Variants in CNTNAP2 observed in about 807,000 individuals in gnomAD.
CNTNAP2 encodes the protein contactin-associated protein-like 2.
CNTNAP2 carries 98 observed loss-of-function variants against 155.2 expected under a neutral mutation model. That is an observed-to-expected ratio of 0.63 (90% CI 0.54 to 0.75). CNTNAP2 has a LOEUF of 0.75. Among genes scored for constraint, CNTNAP2 ranks in the 30% least tolerant of loss-of-function variants. The pLI, the probability that CNTNAP2 is intolerant of heterozygous loss-of-function variation, is 0.00. For missense variants in CNTNAP2, 1,727 were observed against 1,688.1 expected (o/e 1.02, Z -0.40); for synonymous variants, 651 against 631.2 (o/e 1.03, Z -0.47).
intron 1 of CNTNAP2, among the ~76,000 whole-genome samples, chr7:146,586,492 CT>C (rs1798694339): frequency 6.6e-6 from 1 of 152,090 alleles, no homozygotes; most frequent in Admixed American, 6.6e-5. Flanking sequence ...TAATATTAGG[CT>C]TAACATAAAG....
At chr7:146,272,745 TGAG>T (rs1410426694) in intron 1 of CNTNAP2, among the ~76,000 whole-genome samples, 3 of 151,998 alleles carry the variant, frequency 2.0e-5, no homozygotes, top group African/African-American at 7.3e-5. Context: ...GGCAATAGAT[TGAG>T]GAGTAAATGG....
chr7:147,519,266 A>G (rs745938666), intron 11 of CNTNAP2, among the ~76,000 whole-genome samples: 59 of 152,114 alleles, frequency 3.9e-4, no homozygotes, highest in Admixed American at 1.0e-3. Flanking sequence ...GGCTTAGGGC[A>G]CTGGCCGTCA....
chr7:146,293,877 C>A (rs551895015), intron 1 of CNTNAP2, among the ~76,000 whole-genome samples: 1 of 152,094 alleles, frequency 6.6e-6, no homozygotes, highest in African/African-American at 2.4e-5. Context: ...AAAAGTGGTT[C>A]TTTTTTTAAT....
At chr7:146,192,970 C>T (rs1002430138) in intron 1 of CNTNAP2, among the ~76,000 whole-genome samples, 6 of 152,150 alleles carry the variant, frequency 3.9e-5, no homozygotes, top group South Asian at 2.1e-4. Flanking sequence ...GGCTACATGC[C>T]GCATGTGAAG....
At chr7:148,187,147 C>CACACACACACACAA (rs1197880658) in intron 18 of CNTNAP2, among the ~76,000 whole-genome samples, 946 of 67,178 alleles carry the variant, frequency 0.014, 64 homozygotes, top group Middle Eastern at 0.018. Flanking sequence ...CACACACACA[C>CACACACACACACAA]AAACAGAGCC....
intron 21 of CNTNAP2, among the ~76,000 whole-genome samples, chr7:148,269,196 G>C (rs563857449): frequency 6.6e-6 from 1 of 152,150 alleles, no homozygotes; most frequent in Non-Finnish European, 1.5e-5. Flanking sequence ...ATAAATCAAA[G>C]GGTGGAACTG....
At chr7:146,903,317 A>G (rs1363861761) in intron 3 of CNTNAP2, among the ~76,000 whole-genome samples, 6 of 152,146 alleles carry the variant, frequency 3.9e-5, no homozygotes, top group Non-Finnish European at 8.8e-5. Flanking sequence ...TACTATGCTG[A>G]AAACTCTCTA....
At chr7:146,903,075 T>C (rs1796037644) in intron 3 of CNTNAP2, among the ~76,000 whole-genome samples, 1 of 152,208 alleles carries the variant, frequency 6.6e-6, no homozygotes, top group African/African-American at 2.4e-5. Context: ...TTTTATCAAC[T>C]TCACGTTGGG....
At chr7:146,774,671 A>G (rs1802356880) in intron 2 of CNTNAP2, among the ~76,000 whole-genome samples, 1 of 152,188 alleles carries the variant, frequency 6.6e-6, no homozygotes, top group Non-Finnish European at 1.5e-5. Context: ...TAGAGTTAAA[A>G]TTCCTATTAA....
chr7:148,044,205 A>AT (rs55884389), intron 15 of CNTNAP2, among the ~76,000 whole-genome samples: 3,192 of 137,760 alleles, frequency 0.023, 83 homozygotes, highest in African/African-American at 0.066. Context: ...CTTAGGTTGT[A>AT]TTTTTTTTTT....
intron 14 of CNTNAP2, among the ~76,000 whole-genome samples, chr7:147,935,167 G>A (rs781770393): frequency 6.0e-5 from 9 of 150,688 alleles, no homozygotes; most frequent in South Asian, 2.1e-4. Flanking sequence ...TCATTCTGTC[G>A]CCAGGCTGCA....
At chr7:148,059,485 G>T (rs1160502687) in intron 15 of CNTNAP2, among the ~76,000 whole-genome samples, 5 of 151,702 alleles carry the variant, frequency 3.3e-5, no homozygotes, top group Admixed American at 6.6e-5. Context: ...CAGCTACTCT[G>T]GCTGAGGCAG....
intron 18 of CNTNAP2, among the ~76,000 whole-genome samples, chr7:148,211,283 C>T (rs1273652614): frequency 1.3e-5 from 2 of 152,164 alleles, no homozygotes; most frequent in Admixed American, 6.5e-5. Context: ...CTTCAAGAAT[C>T]CAGGATATCT....
chr7:146,464,187 G>GTTTTTTTTTTTTTTTTTTTT (rs369508603), intron 1 of CNTNAP2, among the ~76,000 whole-genome samples: 2 of 91,558 alleles, frequency 2.2e-5, no homozygotes, highest in African/African-American at 3.7e-5. Context: ...CTTTGAAACT[G>GTTTTTTTTTTTTTTTTTTTT]TTTTTTTTTT....
At chr7:146,384,847 T>C (rs2129105591) in intron 1 of CNTNAP2, among the ~76,000 whole-genome samples, 1 of 152,322 alleles carries the variant, frequency 6.6e-6, no homozygotes, top group Non-Finnish European at 1.5e-5. Flanking sequence ...AATTATTACT[T>C]CCCCTACCAT....
At chr7:147,336,037 A>C (rs899618) in intron 9 of CNTNAP2, among the ~76,000 whole-genome samples, 3 of 152,146 alleles carry the variant, frequency 2.0e-5, no homozygotes, top group East Asian at 3.9e-4. Context: ...GTTTTTCTCA[A>C]ATTTTCAGCT....
At chr7:146,873,195 A>C (rs1795349894) in intron 3 of CNTNAP2, among the ~76,000 whole-genome samples, 1 of 152,182 alleles carries the variant, frequency 6.6e-6, no homozygotes, top group Non-Finnish European at 1.5e-5. Context: ...TGTCTGGTTT[A>C]AACTAACATT....
chr7:146,637,745 C>G (rs1799623474), intron 1 of CNTNAP2, among the ~76,000 whole-genome samples: 1 of 152,052 alleles, frequency 6.6e-6, no homozygotes, highest in African/African-American at 2.4e-5. Flanking sequence ...ATTCCTAAAC[C>G]CCACATAAAT....
chr7:147,688,807 T>C (rs1428444613), intron 13 of CNTNAP2, among the ~76,000 whole-genome samples: 2 of 152,180 alleles, frequency 1.3e-5, no homozygotes, highest in Admixed American at 1.3e-4. Context: ...CTGAATGTTA[T>C]AACTGTTATG....
Sources: gnomAD v4.1 joint callset for allele counts (sites outside exome capture counted in the v4.1 genomes callset) on GRCh38, gnomAD v4.1.1 for gene constraint, MANE v1.5 for transcripts, NCBI Gene and HGNC (gene_info 2026-07-23, HGNC 2026-07-21) for gene names.